The following UTRN variants were observed in gnomAD, a reference collection of about 807,000 sequenced individuals.
UTRN encodes the protein utrophin.
A neutral mutation model predicts 463.9 loss-of-function variants in UTRN; 283 were observed. The observed-to-expected ratio is 0.61, with a 90% CI of 0.55 to 0.67. The LOEUF is 0.67. Ranked by LOEUF, UTRN falls within the 30% of genes least tolerant of loss-of-function variation. The probability of loss-of-function intolerance (pLI) is 0.00; values close to 1 mark genes in which losing one functional copy is unlikely to be tolerated. For missense variants in UTRN, 3,922 were observed against 4,084.3 expected (o/e 0.96, Z 1.08); for synonymous variants, 1,442 against 1,431.5 (o/e 1.01, Z -0.17).
chr6:144,706,690 G>A (rs1177429007), intron 53 of UTRN: 2 of 152,138 alleles, frequency 1.3e-5, no homozygotes, highest in Non-Finnish European at 2.9e-5. Context: ...TACTGACTGT[G>A]AGGGAAAATT....
intron 43 of UTRN, among the ~76,000 whole-genome samples, chr6:144,536,261 G>A (rs1797522913): frequency 6.6e-6 from 1 of 152,140 alleles, no homozygotes; most frequent in Admixed American, 6.5e-5. Flanking sequence ...TCATAGTTCT[G>A]TTTTGAAAGT....
chr6:144,429,793 T>A lies in UTRN; in HGVS notation c.855+52T>A, dbSNP rs1785632957. 3 of 1,577,426 alleles carry A rather than the reference T, an allele frequency of 1.9e-6. No individual in the cohort carries two copies. The South Asian group carries it at 3.6e-5, about 19-fold the overall frequency. On this transcript the variant is annotated intron_variant, in intron 9 of 74. Transcript: ENST00000367545. Reference sequence around the variant, plus strand: ...TTGGCTTGCCGTATTTGTTTTCTCCTAGGTACTAGATAAAAACACTTTTAG... The same window carrying A: ...TTGGCTTGCCGTATTTGTTTTCTCCAAGGTACTAGATAAAAACACTTTTAG...
At chr6:144,354,527 G>A (rs972194733) in intron 2 of UTRN, among the ~76,000 whole-genome samples, 3 of 152,190 alleles carry the variant, frequency 2.0e-5, no homozygotes, top group Non-Finnish European at 4.4e-5. Context: ...GTAGTGGCCC[G>A]AGTTAGGCAG....
rs368629316 is a variant in UTRN, at chr6:144,748,302, T to C, written c.7996T>C (p.Ser2666Pro). The C allele has an allele frequency of 6.2e-7, 1 of 1,613,226 alleles. No individual in the cohort carries two copies. Among genetic ancestry groups the C allele is most frequent in the Admixed American group, 1.7e-5 (1 of 59,964 alleles). Reference sequence around the variant, plus strand: ...TGCCAAAGCCATGCGCAAACAGTCTTCTGAAGTCAAAGAAAAATGGGAAAG... The same window carrying C: ...TGCCAAAGCCATGCGCAAACAGTCTCCTGAAGTCAAAGAAAAATGGGAAAG... The part of the protein sequence containing the change: ...KIAKAMRKQS[S>P]EVKEKWESLN... The change falls in exon 55 of 75, where the codon TCT becomes CCT. Residue 2666 changes from serine (S) to proline (P), a missense_variant. This residue lies in a region of UTRN where 1,309 missense variants were observed against 1,452.6 expected (regional missense o/e 0.90). Coordinates refer to ENST00000367545, the MANE Select transcript of UTRN (RefSeq NM_007124.3).
intron 6 of UTRN, among the ~76,000 whole-genome samples, chr6:144,425,827 T>C (rs1785246304): frequency 6.6e-6 from 1 of 152,252 alleles, no homozygotes; most frequent in Non-Finnish European, 1.5e-5. Flanking sequence ...TTTAGAATAA[T>C]ACTATAAAAT....
At chr6:144,618,835 TA>T (rs1279981460) in intron 51 of UTRN, among the ~76,000 whole-genome samples, 3 of 152,104 alleles carry the variant, frequency 2.0e-5, no homozygotes, top group Non-Finnish European at 4.4e-5. Context: ...AACAGCCAAA[TA>T]AAGTTAGAAC....
intron 21 of UTRN, among the ~76,000 whole-genome samples, chr6:144,460,489 G>A (rs539280502): frequency 1.3e-4 from 20 of 152,228 alleles, no homozygotes; most frequent in Non-Finnish European, 2.6e-4. Context: ...TGGACAGCAT[G>A]TCTTTGTTCC....
Position 144,429,746 on chromosome 6 carries a change from A to G in UTRN, c.855+5A>G. On this transcript the variant is annotated splice_donor_5th_base_variant and intron_variant, in intron 9 of 74. Transcript: ENST00000367545. ...GAAGAGGCAATTAATATACAGGTAC[A>G]GGTAACATTTTATTAAGATGTTTGG... 6.2e-7 allele frequency: 1 copy of G among 1,604,668 alleles called. No individual in the cohort carries two copies. Among genetic ancestry groups the G allele is most frequent in the Non-Finnish European group, 8.5e-7 (1 of 1,177,282 alleles).
At chr6:144,800,758 G>C (rs778598859) in intron 64 of UTRN, among the ~76,000 whole-genome samples, 2 of 150,086 alleles carry the variant, frequency 1.3e-5, no homozygotes, top group Non-Finnish European at 3.0e-5. Flanking sequence ...TCATTAGTGT[G>C]ATAGTAGCTA....
At position 144,422,104 on chromosome 6, in the gene UTRN, T is replaced by G. The variant is rs549816852; in HGVS notation, c.234+134T>G. ...AATGTAAAGGCTGAAATTCGGAACATTTTTAACAAAGCATTTTAATGAGTG... is the reference window on the plus strand; with the variant it reads ...AATGTAAAGGCTGAAATTCGGAACAGTTTTAACAAAGCATTTTAATGAGTG... On this transcript the variant is annotated intron_variant, in intron 4 of 74. Coordinates refer to ENST00000367545, the MANE Select transcript of UTRN (RefSeq NM_007124.3). 1.3e-5 allele frequency: 9 copies of G among 669,564 alleles called. No individual in the cohort carries two copies. In the African/African-American group the frequency reaches 1.5e-4, roughly 11 times the overall value. The allele number at this position is 669,564 out of a possible 1,614,324, so 41.5% of individuals were successfully genotyped here.
chr6:144,840,916 TTAAGA>T (rs1194279200), intron 73 of UTRN, 84 bp downstream of exon 73: 2 of 1,426,494 alleles, frequency 1.4e-6, no homozygotes, highest in Non-Finnish European at 1.9e-6. Context: ...GCCTTCTTCC[TTAAGA>T]TAACAAAAAC....
chr6:144,732,243 T>TATATATATATATACACAC (rs1788670786), intron 54 of UTRN, among the ~76,000 whole-genome samples: 3 of 100,968 alleles, frequency 3.0e-5, no homozygotes, highest in South Asian at 2.7e-4. Flanking sequence ...TATATACATA[T>TATATATATATATACACAC]ATATATATAT....
intron 47 of UTRN, among the ~76,000 whole-genome samples, chr6:144,549,499 G>A (rs1342522138): frequency 6.6e-6 from 1 of 152,216 alleles, no homozygotes; most frequent in East Asian, 1.9e-4. Flanking sequence ...TAATAGTCTT[G>A]TGAGATAGGT....
chr6:144,751,889 G>A lies in UTRN; in HGVS notation c.8292G>A (p.Leu2764=). The A allele has an allele frequency of 6.2e-7, 1 of 1,612,330 alleles. No individual in the cohort carries two copies. Among genetic ancestry groups the A allele is most frequent in the Non-Finnish European group, 8.5e-7 (1 of 1,179,186 alleles). Residue 2764 remains leucine, a synonymous_variant, in exon 56 of 75, where the codon CTG becomes CTA. Transcript: ENST00000367545. The part of the protein sequence containing the change: ...DLSSQLSPLD[L]HPSLKMSRQL... ...CCAGTCAGCTGTCTCCACTTGACCT[G>A]CATCCCTCTCTAAAGATGTCTCGCC...
chr6:144,794,123 T>A, intron 63 of UTRN, 132 bp downstream of exon 63: 1 of 1,274,184 alleles, frequency 7.8e-7, no homozygotes, highest in Non-Finnish European at 1.1e-6. Flanking sequence ...ACAAGTGGTG[T>A]ATTTTATTTC....
chr6:144,387,935 C>T (rs990860445), intron 2 of UTRN, among the ~76,000 whole-genome samples: 2 of 152,230 alleles, frequency 1.3e-5, no homozygotes, highest in Non-Finnish European at 2.9e-5. Context: ...ACAGACAGAC[C>T]TTGTGTCAGC....
chr6:144,422,476 G>C lies in UTRN; in HGVS notation c.234+506G>C, dbSNP rs142707504. On this transcript the variant is annotated intron_variant, in intron 4 of 74. Transcript: ENST00000367545. ...TACTAAAATACAAAAAATTAGCTGG[G>C]TGTGGCGGCATGTGCCTGTAATCCC... Among the ~76,000 whole-genome samples the C allele has an allele frequency of 0.012, 1,806 of 152,270 alleles. 70 individuals are homozygous for C. The East Asian group carries it at 0.14, about 12-fold the overall frequency.
At chr6:144,489,300 C>T (rs1792798337) in intron 30 of UTRN, among the ~76,000 whole-genome samples, 1 of 152,066 alleles carries the variant, frequency 6.6e-6, no homozygotes, top group Non-Finnish European at 1.5e-5. Context: ...ATCTGCCTGC[C>T]TCGGCCTCCC....
chr6:144,736,257 C>T (rs1002432021), intron 54 of UTRN, among the ~76,000 whole-genome samples: 6 of 151,974 alleles, frequency 3.9e-5, no homozygotes, highest in Middle Eastern at 3.2e-3. Flanking sequence ...TGTTTGATGC[C>T]GAAGTACTCA....
Sources: allele counts gnomAD v4.1 joint callset (sites outside exome capture counted in the v4.1 genomes callset), GRCh38; gene constraint gnomAD v4.1.1; regional missense constraint gnomAD v4.1.1; transcripts MANE v1.5; gene names NCBI Gene and HGNC (gene_info 2026-07-23, HGNC 2026-07-21).